CHD2: variants seen among roughly 807,000 people sequenced by gnomAD.
CHD2 encodes the protein chromodomain helicase DNA binding protein 2.
A neutral mutation model predicts 243.9 loss-of-function variants in CHD2; 28 were observed. The observed-to-expected ratio is 0.11, with a 90% CI of 0.09 to 0.16. The LOEUF is 0.16. CHD2 is among the 10% of genes least tolerant of loss of function. The pLI is 1.00. For synonymous variants in CHD2, 775 were observed against 779.0 expected, an observed-to-expected ratio of 0.99 and a Z score of 0.09; for missense variants, 1,386 against 2,209.8, an observed-to-expected ratio of 0.63 and a Z score of 7.47.
At chr15:92,953,019 A>G (rs1240174932) in intron 13 of CHD2, among the ~76,000 whole-genome samples, 1 of 152,224 alleles carries the variant, frequency 6.6e-6, no homozygotes, top group African/African-American at 2.4e-5. Flanking sequence ...CTAAGGTTAC[A>G]TGCTTGTCTT....
chr15:92,966,182 G>T (rs1366432434), intron 16 of CHD2, among the ~76,000 whole-genome samples: 1 of 150,528 alleles, frequency 6.6e-6, no homozygotes, highest in Admixed American at 6.7e-5. Flanking sequence ...TCCTGCCTCA[G>T]CCTCCTGAGT....
Position 92,979,173 on chromosome 15 carries a change from G to A in CHD2, c.2766G>A (p.Glu922=). The change falls in exon 22 of 39, where the codon GAG becomes GAA. Residue 922 remains glutamate (E), a synonymous_variant. Transcript: ENST00000394196. ...IYRLVTKGTV[E]EEIIERAKKK... ...GCTTAGTTACAAAGGGGACTGTGGA[G>A]GAGGAGATCATAGAACGGGCCAAAA... The A allele has an allele frequency of 1.9e-6, 3 of 1,614,048 alleles. No individual in the cohort carries two copies. The highest frequency in any genetic ancestry group is 2.5e-6 in the Non-Finnish European group (3 of 1,180,004).
rs375224452 is a variant in CHD2, at chr15:93,010,580, C to T, written c.4592+1257C>T. On this transcript the variant is annotated intron_variant, in intron 35 of 38. Coordinates refer to ENST00000394196, the MANE Select transcript of CHD2 (RefSeq NM_001271.4). ...CTGGGATTACAGGTGCCTGCCATCA[C>T]GCCTGGCTAATTTTTGTATTTTTAG... 7.2e-5 allele frequency among the ~76,000 whole-genome samples: 11 copies of T among 152,162 alleles called. No homozygotes were observed. The South Asian group carries it at 8.3e-4, about 11-fold the overall frequency.
At chr15:92,905,655 C>G (rs1467243653) in intron 2 of CHD2, among the ~76,000 whole-genome samples, 1 of 152,166 alleles carries the variant, frequency 6.6e-6, no homozygotes, top group Admixed American at 6.5e-5. Context: ...TGTAGGTTCT[C>G]ATAATCTAGG....
At chr15:92,945,976 A>G in intron 11 of CHD2, 62 bp from the exon 12 acceptor site, 1 of 1,500,690 alleles carries the variant, frequency 6.7e-7, no homozygotes, top group Non-Finnish European at 9.0e-7. Context: ...CATAAAACAG[A>G]ATGTCATTTT....
At position 93,012,331 on chromosome 15, in the gene CHD2, A is replaced by C. The variant is rs559913219; in HGVS notation, c.4593-14A>C. The C allele has an allele frequency of 5.1e-6, 8 of 1,572,724 alleles. No homozygotes were observed. Among genetic ancestry groups the C allele is most frequent in the Non-Finnish European group, 6.1e-6 (7 of 1,155,158 alleles). Reference sequence around the variant, plus strand: ...ATTCTATAATTCACCAGAACTGTTCATTTTTCTTTTTAGGAACCTATGGAT... The same window carrying C: ...ATTCTATAATTCACCAGAACTGTTCCTTTTTCTTTTTAGGAACCTATGGAT... On this transcript the variant is annotated splice_polypyrimidine_tract_variant and intron_variant, in intron 35 of 38. Transcript: ENST00000394196.
intron 2 of CHD2, among the ~76,000 whole-genome samples, chr15:92,913,479 G>C (rs531480506): frequency 1.3e-5 from 2 of 152,258 alleles, no homozygotes; most frequent in South Asian, 2.1e-4. Context: ...AGTGGGTAGA[G>C]GCCAGAGATG....
At position 92,952,383 on chromosome 15, in the gene CHD2, TTATTTC is replaced by T. The variant is rs545341942; in HGVS notation, c.1503-969_1503-964del. Among the ~76,000 whole-genome samples the T allele has an allele frequency of 3.5e-3, 537 of 152,222 alleles. 13 individuals are homozygous for T. Among genetic ancestry groups the T allele is most frequent in the Non-Finnish European group, 2.8e-3 (190 of 68,002 alleles). On this transcript the variant is annotated intron_variant, in intron 13 of 38. Coordinates refer to ENST00000394196, the MANE Select transcript of CHD2 (RefSeq NM_001271.4). ...AAGCACATTACATTTATTGTGCACT[TTATTTC>T]TATTATTATTACATTATACTATATA...
chr15:92,947,831 C>T (rs2053493837), intron 12 of CHD2, among the ~76,000 whole-genome samples: 2 of 152,152 alleles, frequency 1.3e-5, no homozygotes, highest in Admixed American at 6.5e-5. Context: ...GAGAACTGAA[C>T]ACATCAATAA....
At position 93,009,343 on chromosome 15, in the gene CHD2, C is replaced by G. The variant is rs377002260; in HGVS notation, c.4592+20C>G. ...GAGGAGGTAACCACTTTGGCCTCGTCTGCCCAGTTTGATTTGACTGAGTGT... is the reference window on the plus strand; with the variant it reads ...GAGGAGGTAACCACTTTGGCCTCGTGTGCCCAGTTTGATTTGACTGAGTGT... On this transcript the variant is annotated intron_variant, in intron 35 of 38. Coordinates refer to ENST00000394196, the MANE Select transcript of CHD2 (RefSeq NM_001271.4). The G allele has an allele frequency of 5.0e-6, 8 of 1,607,740 alleles. No homozygotes were observed. The highest frequency in any genetic ancestry group is 1.3e-5 in the African/African-American group (1 of 74,796).
At chr15:92,974,791 C>A in intron 19 of CHD2, 88 bp from the exon 20 acceptor site, 1 of 1,172,076 alleles carries the variant, frequency 8.5e-7, no homozygotes, top group Non-Finnish European at 1.3e-6. Context: ...AGTGGGTGTT[C>A]AGGTGATAAA....
rs964073425 is a variant in CHD2 at position 92,958,108 on chromosome 15, C to T, written c.2000+1459C>T. Among the ~76,000 whole-genome samples the T allele has an allele frequency of 3.9e-5, 6 of 152,106 alleles. No homozygotes were observed. The East Asian group carries it at 7.7e-4, about 20-fold the overall frequency. On this transcript the variant is annotated intron_variant, in intron 16 of 38. Coordinates refer to ENST00000394196, the MANE Select transcript of CHD2 (RefSeq NM_001271.4). ...TGTGTGGACATATGTTTTTCTTTCT[C>T]TTGCTTAGAGACTTAGGAATAGAAT...
At position 92,997,459 on chromosome 15, in the gene CHD2, A is replaced by C; in HGVS notation, c.3885+56A>C. 1 of 1,446,336 alleles carries C rather than the reference A, an allele frequency of 6.9e-7. No individual in the cohort carries two copies. The highest frequency in any genetic ancestry group is 9.2e-7 in the Non-Finnish European group (1 of 1,082,776). The allele number at this position is 1,446,336 out of a possible 1,614,324, so 89.6% of individuals were successfully genotyped here. On this transcript the variant is annotated intron_variant, in intron 30 of 38. Coordinates refer to ENST00000394196, the MANE Select transcript of CHD2 (RefSeq NM_001271.4). This position sits in a 1 kb window ranked among gnomAD's most constrained non-coding sequence, Gnocchi z 4.1. ...AGAAGATTTGTTGTGTAATATTTTT[A>C]TATCGATTACTTATTTCTAACTATT...
At chr15:92,935,289 G>A (rs1305941535) in intron 5 of CHD2, among the ~76,000 whole-genome samples, 1 of 152,108 alleles carries the variant, frequency 6.6e-6, no homozygotes, top group Non-Finnish European at 1.5e-5. Flanking sequence ...GCCCGCCTCG[G>A]CCTCCCAAAG....
chr15:92,952,250 GT>G (rs2053563164), intron 13 of CHD2, among the ~76,000 whole-genome samples: 1 of 152,146 alleles, frequency 6.6e-6, no homozygotes, highest in African/African-American at 2.4e-5. Context: ...TCAAACTGTG[GT>G]TTTAAGGTAG....
chr15:93,002,329 C>T lies in CHD2; in HGVS notation c.4278+12C>T. ...ATAAGAAAGAGAAGGTAATGATGCC[C>T]TTCTGTTCATGCAGATATCCACAGC... On this transcript the variant is annotated intron_variant, in intron 33 of 38. Coordinates refer to ENST00000394196, the MANE Select transcript of CHD2 (RefSeq NM_001271.4). 1 of 1,588,642 alleles carries T rather than the reference C, an allele frequency of 6.3e-7. No homozygotes were observed. The highest frequency in any genetic ancestry group is 2.2e-5 in the East Asian group (1 of 44,536).
At chr15:93,020,522 TAG>T (rs2054521842) in intron 38 of CHD2, 1 of 596,522 alleles carries the variant, frequency 1.7e-6, no homozygotes, top group African/African-American at 1.9e-5. Flanking sequence ...CATAAAATAT[TAG>T]AGTCAACAAC....
chr15:93,014,010 TAATC>T (rs1290769437), intron 36 of CHD2, among the ~76,000 whole-genome samples: 1 of 149,946 alleles, frequency 6.7e-6, no homozygotes, highest in East Asian at 2.0e-4. Context: ...TGGGGAGTAT[TAATC>T]AGTTATTAAA....
At chr15:92,960,486 A>G (rs1335002194) in intron 16 of CHD2, among the ~76,000 whole-genome samples, 1 of 152,084 alleles carries the variant, frequency 6.6e-6, no homozygotes, top group Non-Finnish European at 1.5e-5. Flanking sequence ...AAGAATGGAT[A>G]TTAGGTTTTG....
Sources: gnomAD v4.1 joint callset for allele counts (sites outside exome capture counted in the v4.1 genomes callset) on GRCh38, gnomAD v4.1.1 for gene constraint, Gnocchi (gnomAD v3.1) non-coding constraint, MANE v1.5 for transcripts, NCBI Gene and HGNC (gene_info 2026-07-23, HGNC 2026-07-21) for gene names.